FOXO3: variants seen among roughly 807,000 people sequenced by gnomAD.
FOXO3 encodes forkhead box protein O3.
A neutral mutation model predicts 41.9 loss-of-function variants in FOXO3; 4 were observed. The ratio of observed to expected loss-of-function variants is 0.10; its 90% CI spans 0.05 to 0.22. The LOEUF (loss-of-function observed/expected upper bound fraction) is 0.22. Ranked by LOEUF, FOXO3 falls within the 10% of genes least tolerant of loss-of-function variation. The probability of loss-of-function intolerance (pLI) is 1.00; values close to 1 mark genes in which losing one functional copy is unlikely to be tolerated. For missense variants in FOXO3, 534 were observed against 906.8 expected, an observed-to-expected ratio of 0.59 and a Z score of 5.28; for synonymous variants, 318 against 389.3, an observed-to-expected ratio of 0.82 and a Z score of 2.16.
intron 1 of FOXO3, among the ~76,000 whole-genome samples, chr6:108,629,337 G>C (rs1449548477): frequency 6.6e-6 from 1 of 152,066 alleles, no homozygotes; most frequent in Admixed American, 6.5e-5. Context: ...TGAGAATAAG[G>C]GTTGTGTAAT....
chr6:108,610,837 A>T (rs1015312604), intron 1 of FOXO3, among the ~76,000 whole-genome samples: 2 of 152,180 alleles, frequency 1.3e-5, no homozygotes, highest in African/African-American at 4.8e-5. Flanking sequence ...TTATTTTGAA[A>T]ATTACCTGTG....
chr6:108,633,733 C>T lies in FOXO3; in HGVS notation c.622-29722C>T, dbSNP rs190391079. ...GAGCATGATCTACTCTTTTTTGGTT[C>T]CCTGTTATAAGTGGCTGTTGAGGGT... On this transcript the variant is annotated intron_variant, in intron 1 of 2. Coordinates refer to ENST00000406360, the MANE Select transcript of FOXO3 (RefSeq NM_001455.4). 1.8e-3 allele frequency among the ~76,000 whole-genome samples: 272 copies of T among 151,774 alleles called. 1 individual carries two copies. Among genetic ancestry groups the T allele is most frequent in the African/African-American group, 6.3e-3 (261 of 41,416 alleles).
At chr6:108,619,293 T>C (rs1385149383) in intron 1 of FOXO3, among the ~76,000 whole-genome samples, 1 of 152,226 alleles carries the variant, frequency 6.6e-6, no homozygotes, top group Non-Finnish European at 1.5e-5. Context: ...TTAGGACATT[T>C]GTGATTTGAA....
At chr6:108,636,586 A>G (rs1778128599) in intron 1 of FOXO3, among the ~76,000 whole-genome samples, 1 of 152,038 alleles carries the variant, frequency 6.6e-6, no homozygotes, top group African/African-American at 2.4e-5. Context: ...CGGTGACTAG[A>G]CCAGACCAGC....
chr6:108,667,763 T>C (rs1779105087), intron 2 of FOXO3, among the ~76,000 whole-genome samples: 1 of 152,232 alleles, frequency 6.6e-6, no homozygotes, highest in Admixed American at 6.5e-5. Flanking sequence ...GGAGGTTGTT[T>C]TGAGAAGATA....
intron 1 of FOXO3, among the ~76,000 whole-genome samples, chr6:108,564,347 G>A (rs1029565497): frequency 2.6e-5 from 4 of 152,226 alleles, no homozygotes; most frequent in Admixed American, 1.3e-4. Flanking sequence ...GAGATCAGGA[G>A]CTAATTGTGA....
intron 2 of FOXO3, among the ~76,000 whole-genome samples, chr6:108,666,622 C>T (rs1215373186): frequency 2.0e-5 from 3 of 151,962 alleles, no homozygotes; most frequent in Non-Finnish European, 2.9e-5. Flanking sequence ...GGATTACAGG[C>T]GTGAGCCACC....
intron 1 of FOXO3, among the ~76,000 whole-genome samples, chr6:108,596,750 T>A (rs1776897874): frequency 6.6e-6 from 1 of 152,200 alleles, no homozygotes; most frequent in African/African-American, 2.4e-5. Flanking sequence ...GGAAAATACT[T>A]AATATACACT....
chr6:108,589,797 AAGAT>A (rs1275225706), intron 1 of FOXO3, among the ~76,000 whole-genome samples: 18 of 152,338 alleles, frequency 1.2e-4, no homozygotes, highest in Non-Finnish European at 2.6e-4. Context: ...TGCTGATTCT[AAGAT>A]AGAGCCTTCC....
In FOXO3 at chr6:108,683,154, G is replaced by A. The variant is rs1770930039; in HGVS notation, c.*3362G>A. ...AGCTTGTCACTCCTGTTAATGGGAGGATCAGTCACACATGTGTAGTACAAG... is the reference window on the plus strand; with the variant it reads ...AGCTTGTCACTCCTGTTAATGGGAGAATCAGTCACACATGTGTAGTACAAG... On this transcript the variant is annotated 3_prime_UTR_variant, in exon 3 of 3. Coordinates refer to ENST00000406360, the MANE Select transcript of FOXO3 (RefSeq NM_001455.4). 6.6e-6 allele frequency: 1 copy of A among 152,632 alleles called. No homozygotes were observed. The highest frequency in any genetic ancestry group is 2.4e-5 in the African/African-American group (1 of 41,440). The allele number at this position is 152,632 out of a possible 1,614,324, so 9.5% of individuals were successfully genotyped here.
At chr6:108,636,071 G>T (rs1384936754) in intron 1 of FOXO3, among the ~76,000 whole-genome samples, 1 of 152,238 alleles carries the variant, frequency 6.6e-6, no homozygotes. Flanking sequence ...CCTCCATCTG[G>T]GGAGTGAGAA....
intron 1 of FOXO3, among the ~76,000 whole-genome samples, chr6:108,611,627 G>A (rs752470014): frequency 2.0e-5 from 3 of 150,320 alleles, no homozygotes; most frequent in Non-Finnish European, 3.0e-5. Flanking sequence ...ATAATGTTAT[G>A]CATCTTTTCA....
At chr6:108,659,630 T>C (rs1778787286) in intron 1 of FOXO3, among the ~76,000 whole-genome samples, 1 of 148,754 alleles carries the variant, frequency 6.7e-6, no homozygotes, top group South Asian at 2.2e-4. Context: ...TGCTGTAATC[T>C]GGCAGGCACT....
chr6:108,679,197 G>T (rs185046619), intron 2 of FOXO3, among the ~76,000 whole-genome samples: 1 of 152,082 alleles, frequency 6.6e-6, no homozygotes, highest in Non-Finnish European at 1.5e-5. Flanking sequence ...AAGATGGCCC[G>T]CTTAGTAATT....
chr6:108,585,252 C>G (rs1776548389), intron 1 of FOXO3, among the ~76,000 whole-genome samples: 1 of 152,114 alleles, frequency 6.6e-6, no homozygotes, highest in African/African-American at 2.4e-5. Context: ...ACCCCGTTAG[C>G]CAGGATGGTC....
chr6:108,590,827 T>G (rs1776714349), intron 1 of FOXO3, among the ~76,000 whole-genome samples: 1 of 152,186 alleles, frequency 6.6e-6, no homozygotes, highest in African/African-American at 2.4e-5. Flanking sequence ...CTTTTCTCAT[T>G]TTAGTATTGG....
intron 1 of FOXO3, among the ~76,000 whole-genome samples, chr6:108,623,232 C>T (rs768921480): frequency 4.6e-5 from 7 of 152,188 alleles, no homozygotes; most frequent in Non-Finnish European, 8.8e-5. Flanking sequence ...GTAGTCGTCT[C>T]AGGAGCCTAC....
rs1475042674 is a variant in FOXO3 at position 108,561,594 on chromosome 6, C to T, written c.386C>T (p.Pro129Leu). Residue 129 changes from proline to leucine, a missense_variant, in exon 1 of 3, where the codon CCT (proline) becomes CTT (leucine). By Grantham distance (98) the Pro-to-Leu change is moderately conservative (BLOSUM62 -3). This residue lies in a region of FOXO3 where 139 missense variants were observed against 163.7 expected (regional missense o/e 0.85). Transcript: ENST00000406360. Reference protein sequence around the residue: ...LSGGTQALLQPQQPLPPPQPG... With the variant: ...LSGGTQALLQLQQPLPPPQPG... ...GGGGGTACACAGGCGCTGCTGCAGC[C>T]TCAGCAACCGCTGCCACCGCCGCAG... 1.3e-6 allele frequency: 2 copies of T among 1,510,790 alleles called. No individual in the cohort carries two copies. The highest frequency in any genetic ancestry group is 2.5e-5 in the South Asian group (2 of 78,572). 93.6% of individuals were successfully genotyped at this position (1,510,790 alleles called of 1,614,324 possible).
chr6:108,651,879 G>A (rs530463423), intron 1 of FOXO3, among the ~76,000 whole-genome samples: 7 of 152,274 alleles, frequency 4.6e-5, no homozygotes, highest in African/African-American at 1.7e-4. Flanking sequence ...GCAGGCAAAA[G>A]GCATCATATT....
Sources: allele counts gnomAD v4.1 joint callset (sites outside exome capture counted in the v4.1 genomes callset), GRCh38; gene constraint gnomAD v4.1.1; regional missense constraint gnomAD v4.1.1; transcripts MANE v1.5; gene names NCBI Gene and HGNC (gene_info 2026-07-23, HGNC 2026-07-21).